PKIA: variants seen among roughly 807,000 people sequenced by gnomAD.
PKIA encodes the protein PKI-alpha.
Under a neutral mutation model 7.6 loss-of-function variants are expected in PKIA, and 4 were observed. That is an observed-to-expected ratio of 0.52 (90% CI 0.26 to 1.20). The LOEUF is 1.20. Among genes scored for constraint, PKIA ranks in the 50% most tolerant of loss-of-function variants. The probability of loss-of-function intolerance (pLI) is 0.13; values close to 1 mark genes in which losing one functional copy is unlikely to be tolerated. For missense variants in PKIA, 73 were observed against 86.2 expected (o/e 0.85, Z 0.61); for synonymous variants, 21 against 30.7 (o/e 0.68, Z 1.04).
intron 1 of PKIA, among the ~76,000 whole-genome samples, chr8:78,552,282 T>C (rs928767294): frequency 6.0e-5 from 9 of 151,154 alleles, no homozygotes; most frequent in Non-Finnish European, 1.2e-4. Flanking sequence ...TTTCTAACAA[T>C]TCTTTGAAAT....
intron 1 of PKIA, among the ~76,000 whole-genome samples, chr8:78,559,858 G>A (rs1233629949): frequency 6.6e-6 from 1 of 152,150 alleles, no homozygotes; most frequent in Non-Finnish European, 1.5e-5. Flanking sequence ...TATCACATAT[G>A]TTGTAACATA....
intron 1 of PKIA, among the ~76,000 whole-genome samples, chr8:78,537,227 C>G (rs1460171129): frequency 1.3e-5 from 2 of 151,362 alleles, no homozygotes; most frequent in East Asian, 3.9e-4. Flanking sequence ...CATGGCAAAC[C>G]CTGATATTTT....
intron 2 of PKIA, among the ~76,000 whole-genome samples, chr8:78,588,001 A>G (rs1807994169): frequency 1.3e-5 from 2 of 152,234 alleles, no homozygotes; most frequent in African/African-American, 4.8e-5. Flanking sequence ...ATTTAGGAAC[A>G]AAATACAAAA....
chr8:78,536,863 C>T (rs915918183), intron 1 of PKIA, among the ~76,000 whole-genome samples: 12 of 43,412 alleles, frequency 2.8e-4, no homozygotes, highest in African/African-American at 7.8e-4. Context: ...AAAACATACA[C>T]ACACACACAC....
intron 2 of PKIA, among the ~76,000 whole-genome samples, chr8:78,578,616 A>C (rs1807733389): frequency 6.6e-6 from 1 of 152,044 alleles, no homozygotes; most frequent in South Asian, 2.1e-4. Context: ...TTTGGAAAAT[A>C]AGCTCTCATA....
intron 2 of PKIA, among the ~76,000 whole-genome samples, chr8:78,580,372 T>C (rs561826662): frequency 6.6e-6 from 1 of 152,058 alleles, no homozygotes; most frequent in Non-Finnish European, 1.5e-5. Context: ...TCTCCATTCT[T>C]TACCACTTTC....
Position 78,586,163 on chromosome 8 carries a change from C to G in PKIA, c.-27-12195C>G, listed in dbSNP as rs1408577786. 2.0e-5 allele frequency among the ~76,000 whole-genome samples: 3 copies of G among 152,116 alleles called. No individual in the cohort carries two copies. In the East Asian group the frequency reaches 5.8e-4, roughly 29 times the overall value. ...AAAGTCACTTCTATTTCATTATGAG[C>G]AGGGCCATTTTTAAGGTTTCTCCCA... On this transcript the variant is annotated intron_variant, in intron 2 of 3. Transcript: ENST00000396418.
intron 1 of PKIA, among the ~76,000 whole-genome samples, chr8:78,556,266 T>C (rs1189765195): frequency 6.6e-6 from 1 of 152,096 alleles, no homozygotes; most frequent in Non-Finnish European, 1.5e-5. Context: ...AACTTTACAG[T>C]CAGATCATTC....
At chr8:78,579,721 G>T (rs1023704091) in intron 2 of PKIA, among the ~76,000 whole-genome samples, 1 of 152,060 alleles carries the variant, frequency 6.6e-6, no homozygotes, top group Non-Finnish European at 1.5e-5. Context: ...AGAGAAATCT[G>T]AGGAATTGTA....
chr8:78,584,756 T>G (rs921462602), intron 2 of PKIA, among the ~76,000 whole-genome samples: 3 of 152,106 alleles, frequency 2.0e-5, no homozygotes, highest in Non-Finnish European at 4.4e-5. Context: ...AGAAAACACT[T>G]TTCTAAAATT....
At chr8:78,559,088 A>G (rs1309325190) in intron 1 of PKIA, among the ~76,000 whole-genome samples, 2 of 151,974 alleles carry the variant, frequency 1.3e-5, no homozygotes, top group African/African-American at 4.8e-5. Context: ...CGCCTGGCTA[A>G]TGTTTGTATT....
At chr8:78,535,853 A>G (rs1806508078) in intron 1 of PKIA, 1 of 152,112 alleles carries the variant, frequency 6.6e-6, no homozygotes, top group Non-Finnish European at 1.5e-5. Flanking sequence ...AGAGTACCCG[A>G]GAGGTATGCA....
At position 78,532,784 on chromosome 8, in the gene PKIA, G is replaced by C. The variant is rs147916712; in HGVS notation, c.-157+16316G>C. On this transcript the variant is annotated intron_variant, in intron 1 of 3. Coordinates refer to ENST00000396418, the MANE Select transcript of PKIA (RefSeq NM_006823.4). ...CAAAAAATTAGCCAGGCATGATAGG[G>C]TGTGCCTGTAATCCCAGCTACTTGG... 9.2e-4 allele frequency among the ~76,000 whole-genome samples: 139 copies of C among 151,786 alleles called. 1 individual carries two copies. The highest frequency in any genetic ancestry group is 3.1e-3 in the African/African-American group (130 of 41,408).
At chr8:78,543,807 A>G (rs1806755225) in intron 1 of PKIA, among the ~76,000 whole-genome samples, 2 of 152,198 alleles carry the variant, frequency 1.3e-5, no homozygotes, top group South Asian at 4.1e-4. Flanking sequence ...TGTTTTCTCT[A>G]AAATTACGAT....
intron 2 of PKIA, among the ~76,000 whole-genome samples, chr8:78,587,753 C>A (rs1256449268): frequency 1.3e-5 from 2 of 152,070 alleles, no homozygotes; most frequent in Non-Finnish European, 2.9e-5. Flanking sequence ...TTTAAAAAAT[C>A]TTTTGTTATA....
intron 1 of PKIA, among the ~76,000 whole-genome samples, chr8:78,557,755 T>TCCCCC: frequency 3.3e-5 from 5 of 152,322 alleles, no homozygotes; most frequent in Admixed American, 3.3e-4. Context: ...TGGGGACAGC[T>TCCCCC]ATGTCAGGAA....
At chr8:78,555,982 T>C (rs1299423934) in intron 1 of PKIA, among the ~76,000 whole-genome samples, 3 of 152,092 alleles carry the variant, frequency 2.0e-5, no homozygotes, top group Non-Finnish European at 4.4e-5. Context: ...CAGGTAATAC[T>C]ATCAGTTAAG....
intron 1 of PKIA, among the ~76,000 whole-genome samples, chr8:78,544,733 CAG>C (rs1420270110): frequency 6.6e-6 from 1 of 152,164 alleles, no homozygotes; most frequent in Non-Finnish European, 1.5e-5. Flanking sequence ...AAGATAACAA[CAG>C]AGAGTACAGA....
chr8:78,604,107 A>G lies in PKIA; in HGVS notation c.*2286A>G, dbSNP rs1012090254. ...TTCAAATTTTATTTTAGTTTCCTTT[A>G]TTTGCCAAGAATACATATGGATTTG... is the stretch of plus-strand genomic sequence containing the variant. On this transcript the variant is annotated 3_prime_UTR_variant, in exon 4 of 4. Transcript: ENST00000396418. The G allele has an allele frequency of 5.3e-5, 8 of 151,926 alleles. No individual in the cohort carries two copies. The highest frequency in any genetic ancestry group is 1.0e-4 in the Non-Finnish European group (7 of 67,936). The allele number at this position is 151,926 out of a possible 1,614,324, so 9.4% of individuals were successfully genotyped here.
Sources: allele counts gnomAD v4.1 joint callset (sites outside exome capture counted in the v4.1 genomes callset), GRCh38; gene constraint gnomAD v4.1.1; transcripts MANE v1.5; gene names NCBI Gene and HGNC (gene_info 2026-07-23, HGNC 2026-07-21).